The following SLC8A1 variants were observed in gnomAD, a reference collection of about 807,000 sequenced individuals.
SLC8A1 encodes the protein sodium/calcium exchanger 1.
Under a neutral mutation model 68.3 loss-of-function variants are expected in SLC8A1, and 18 were observed. That is an observed-to-expected ratio of 0.26 (90% CI 0.18 to 0.39). The LOEUF (loss-of-function observed/expected upper bound fraction) is 0.39, where lower values mean the gene tolerates loss of function less well. Among genes scored for constraint, SLC8A1 ranks in the 10% least tolerant of loss-of-function variants. The pLI is 1.00. For missense variants in SLC8A1, 985 were observed against 1,156.7 expected (o/e 0.85, Z 2.15); for synonymous variants, 475 against 415.5 (o/e 1.14, Z -1.74).
chr2:40,370,717 A>G (rs1575775486), intron 2 of SLC8A1, among the ~76,000 whole-genome samples: 1 of 152,146 alleles, frequency 6.6e-6, no homozygotes, highest in Admixed American at 6.6e-5. Flanking sequence ...TTGAGTCAGT[A>G]TCTCATGAAA....
chr2:40,244,080 G>A (rs181523248), intron 2 of SLC8A1, among the ~76,000 whole-genome samples: 45 of 152,188 alleles, frequency 3.0e-4, no homozygotes, highest in Admixed American at 2.0e-4. Flanking sequence ...GCAATTTAAT[G>A]GAAAGTGCTG....
intron 2 of SLC8A1, among the ~76,000 whole-genome samples, chr2:40,318,312 C>T (rs2074741581): frequency 6.6e-6 from 1 of 152,048 alleles, no homozygotes; most frequent in Admixed American, 6.6e-5. Flanking sequence ...AGAGGCTGGG[C>T]ATCTGTCTTT....
At chr2:40,347,902 C>T (rs1049863883) in intron 2 of SLC8A1, among the ~76,000 whole-genome samples, 2 of 152,082 alleles carry the variant, frequency 1.3e-5, no homozygotes. Flanking sequence ...AAAACAATGG[C>T]TTACGGTCTA....
chr2:40,244,048 A>AT (rs925320217), intron 2 of SLC8A1, among the ~76,000 whole-genome samples: 15 of 45,670 alleles, frequency 3.3e-4, no homozygotes, highest in Middle Eastern at 0.014. Context: ...CCCTTTTGTT[A>AT]TTAAAAAAAA....
At chr2:40,510,217 A>G (rs1576691934) in intron 1 of SLC8A1, among the ~76,000 whole-genome samples, 2 of 152,188 alleles carry the variant, frequency 1.3e-5, no homozygotes, top group South Asian at 2.1e-4. Flanking sequence ...AAGATTTTCT[A>G]GATGTATAGT....
intron 2 of SLC8A1, among the ~76,000 whole-genome samples, chr2:40,410,976 T>C (rs1376490213): frequency 2.0e-5 from 3 of 152,078 alleles, no homozygotes; most frequent in Admixed American, 6.6e-5. Context: ...CTTTCTATAG[T>C]ACTGCAATAC....
chr2:40,412,935 G>A (rs1446802671), intron 2 of SLC8A1, among the ~76,000 whole-genome samples: 1 of 151,950 alleles, frequency 6.6e-6, no homozygotes, highest in South Asian at 2.1e-4. Flanking sequence ...AAGTTTTAGG[G>A]TACATGTGCA....
chr2:40,126,010 C>G (rs1229154812), intron 7 of SLC8A1, among the ~76,000 whole-genome samples: 2 of 152,076 alleles, frequency 1.3e-5, no homozygotes, highest in African/African-American at 4.8e-5. Context: ...GAGCAGTTAC[C>G]CTTAGTTTCA....
intron 2 of SLC8A1, among the ~76,000 whole-genome samples, chr2:40,413,914 C>G (rs376128419): frequency 1.6e-4 from 25 of 152,188 alleles, no homozygotes; most frequent in African/African-American, 5.3e-4. Context: ...ACTAGGTGTG[C>G]ATGTAGTAAA....
Position 40,142,700 on chromosome 2 carries a change from G to A in SLC8A1, c.2162-3024C>T, listed in dbSNP as rs184877211. On this transcript the variant is annotated intron_variant, in intron 6 of 7. Transcript: ENST00000406785. The stretch of plus-strand genomic sequence containing the variant: ...TCAAGATGGAAATAACACCTTTCCC[G>A]TGAGAGATGTACACAGGAATAATTA... Among the ~76,000 whole-genome samples, 11 of 152,194 alleles carry A rather than the reference G, an allele frequency of 7.2e-5. No homozygotes were observed. The East Asian group carries it at 9.7e-4, about 13-fold the overall frequency.
intron 2 of SLC8A1, among the ~76,000 whole-genome samples, chr2:40,238,756 A>G (rs993999684): frequency 1.3e-5 from 2 of 152,066 alleles, no homozygotes; most frequent in Admixed American, 1.3e-4. Context: ...AATTAACTCA[A>G]GTATTGTTCA....
chr2:40,292,348 T>G (rs2069487859), intron 2 of SLC8A1, among the ~76,000 whole-genome samples: 1 of 152,132 alleles, frequency 6.6e-6, no homozygotes, highest in Non-Finnish European at 1.5e-5. Context: ...GCCTCATAAT[T>G]TGATGGCCTT....
In SLC8A1 at chr2:40,235,119, G is replaced by C. The variant is rs1489003057; in HGVS notation, c.1809-57264C>G. 7.2e-5 allele frequency among the ~76,000 whole-genome samples: 11 copies of C among 152,212 alleles called. No individual in the cohort carries two copies. In the South Asian group the frequency reaches 2.3e-3, roughly 32 times the overall value. On this transcript the variant is annotated intron_variant, in intron 2 of 7. Transcript: ENST00000406785. ...CAGAATGATGCTGGCTTCATAAAAT[G>C]AGTTAGGGAGGATTCCCTCTTTTTC...
intron 1 of SLC8A1, among the ~76,000 whole-genome samples, chr2:40,436,062 G>A (rs377032130): frequency 5.9e-5 from 9 of 151,360 alleles, no homozygotes; most frequent in Non-Finnish European, 8.8e-5. Context: ...GAACCACCAC[G>A]TCTGGCCAGC....
At chr2:40,398,980 A>G (rs1687856481) in intron 2 of SLC8A1, among the ~76,000 whole-genome samples, 1 of 152,244 alleles carries the variant, frequency 6.6e-6, no homozygotes, top group African/African-American at 2.4e-5. Flanking sequence ...AACATTTTGA[A>G]AAATGACTTT....
At chr2:40,434,608 C>T (rs1315063430) in intron 1 of SLC8A1, among the ~76,000 whole-genome samples, 1 of 152,232 alleles carries the variant, frequency 6.6e-6, no homozygotes, top group East Asian at 1.9e-4. Context: ...CCTTAATTTA[C>T]CAATACAAAG....
chr2:40,315,519 G>T (rs1461679235), intron 2 of SLC8A1, among the ~76,000 whole-genome samples: 14 of 150,652 alleles, frequency 9.3e-5, no homozygotes, highest in Non-Finnish European at 3.0e-5. Flanking sequence ...CATCCAACTG[G>T]GTTAGTATTG....
chr2:40,382,501 T>C (rs1042545229), intron 2 of SLC8A1, among the ~76,000 whole-genome samples: 12 of 152,078 alleles, frequency 7.9e-5, no homozygotes, highest in Non-Finnish European at 1.8e-4. Context: ...AAAACAGTTA[T>C]CCCTATAAGA....
rs140252847 is a variant in SLC8A1, at chr2:40,333,951, G to C, written c.1808+94522C>G. 1.4e-3 allele frequency among the ~76,000 whole-genome samples: 209 copies of C among 152,262 alleles called. 1 individual carries two copies. The highest frequency in any genetic ancestry group is 4.9e-3 in the African/African-American group (203 of 41,554). On this transcript the variant is annotated intron_variant, in intron 2 of 7. Coordinates refer to ENST00000406785, the Ensembl canonical transcript of SLC8A1. ...TAATCTCAGCTACTTGGGAGGCTGA[G>C]GCAGGCGAATCACTTGAACCTGGGT... is the stretch of plus-strand genomic sequence containing the variant.
Sources: allele counts gnomAD v4.1 joint callset (sites outside exome capture counted in the v4.1 genomes callset), GRCh38; gene constraint gnomAD v4.1.1; transcripts MANE v1.5; gene names NCBI Gene and HGNC (gene_info 2026-07-23, HGNC 2026-07-21).